Variants in CTNNA2 observed in about 807,000 individuals in gnomAD.
The protein encoded by CTNNA2 is catenin alpha 2, also known as catenin alpha-2.
CTNNA2 carries 42 observed loss-of-function variants against 101.0 expected under a neutral mutation model. The observed-to-expected ratio is 0.42, with a 90% CI of 0.32 to 0.54. The LOEUF is 0.54. CTNNA2 is among the 20% of genes least tolerant of loss of function. CTNNA2 has a pLI of 0.14. For missense variants in CTNNA2, 871 were observed against 1,223.1 expected, an observed-to-expected ratio of 0.71 and a Z score of 4.29; for synonymous variants, 450 against 456.4, an observed-to-expected ratio of 0.99 and a Z score of 0.18.
At chr2:80,569,316 C>T (rs143161430) in intron 12 of CTNNA2, among the ~76,000 whole-genome samples, 124 of 152,134 alleles carry the variant, frequency 8.2e-4, no homozygotes, top group Admixed American at 1.7e-3. Context: ...CTAGTGTGTG[C>T]GCTGCATACA....
At chr2:79,214,357 G>C (rs1009102916) in intron 2 of CTNNA2, among the ~76,000 whole-genome samples, 4 of 152,206 alleles carry the variant, frequency 2.6e-5, no homozygotes, top group African/African-American at 4.8e-5. Context: ...AATGGATTGT[G>C]GAGGGAGGTA....
intron 2 of CTNNA2, among the ~76,000 whole-genome samples, chr2:79,673,878 A>G (rs1208367064): frequency 6.6e-6 from 1 of 152,092 alleles, no homozygotes; most frequent in African/African-American, 2.4e-5. Flanking sequence ...CTTTGTGCTC[A>G]TGTTTTCTCC....
rs79132232 is a variant in CTNNA2, at chr2:79,366,949, G to C, written c.-317-6882G>C. Among the ~76,000 whole-genome samples the C allele has an allele frequency of 5.0e-3, 766 of 152,280 alleles. 7 individuals are homozygous for C. Among genetic ancestry groups the C allele is most frequent in the Non-Finnish European group, 8.4e-3 (571 of 68,018 alleles). ...TGAGACATTTAAACAGAAAGATCTTGTTATTGAACAAAAGGTTTCTGTCCT... is the reference window on the plus strand; with the variant it reads ...TGAGACATTTAAACAGAAAGATCTTCTTATTGAACAAAAGGTTTCTGTCCT... On this transcript the variant is annotated intron_variant, in intron 3 of 21. Coordinates refer to the CTNNA2 transcript ENST00000466387.
chr2:79,499,499 C>T (rs1671296752), intron 4 of CTNNA2, among the ~76,000 whole-genome samples: 1 of 152,194 alleles, frequency 6.6e-6, no homozygotes, highest in South Asian at 2.1e-4. Context: ...ACTCTACTGA[C>T]TTCTCATCGC....
chr2:79,649,332 C>A, intron 1 of CTNNA2: 1 of 154,764 alleles, frequency 6.5e-6, no homozygotes, highest in East Asian at 1.9e-4. Context: ...TATCATGTTA[C>A]AATGACCATG....
At chr2:80,073,771 C>CACACACTT (rs1553443664) in intron 7 of CTNNA2, among the ~76,000 whole-genome samples, 14,114 of 146,034 alleles carry the variant, frequency 0.097, 1,152 homozygotes, top group East Asian at 0.34. Flanking sequence ...CACACACACA[C>CACACACTT]TTATAGGATT....
chr2:79,364,178 A>G (rs924618350), intron 3 of CTNNA2, among the ~76,000 whole-genome samples: 4 of 152,196 alleles, frequency 2.6e-5, no homozygotes, highest in African/African-American at 4.8e-5. Context: ...AAAGGAGGAT[A>G]AATAGAATAC....
chr2:79,436,527 G>C (rs2104514616), intron 4 of CTNNA2, among the ~76,000 whole-genome samples: 1 of 152,280 alleles, frequency 6.6e-6, no homozygotes, highest in Non-Finnish European at 1.5e-5. Flanking sequence ...GATTTCATTG[G>C]TCTGGGGTCT....
At chr2:80,457,020 G>A (rs1016320695) in intron 9 of CTNNA2, among the ~76,000 whole-genome samples, 3 of 152,104 alleles carry the variant, frequency 2.0e-5, no homozygotes, top group Non-Finnish European at 4.4e-5. Flanking sequence ...AATGATAACT[G>A]TTTGAGGTGA....
intron 7 of CTNNA2, among the ~76,000 whole-genome samples, chr2:80,149,024 T>TA (rs201162987): frequency 0.098 from 7,423 of 75,564 alleles, 624 homozygotes; most frequent in African/African-American, 0.34. Flanking sequence ...TATTTTGTTA[T>TA]TTTTTTTTTT....
chr2:79,311,336 G>C (rs935356763), intron 2 of CTNNA2, among the ~76,000 whole-genome samples: 1 of 147,870 alleles, frequency 6.8e-6, no homozygotes, highest in East Asian at 2.0e-4. Context: ...GTGAACCCGG[G>C]AAGCGGAGCT....
chr2:79,296,471 C>T (rs1675981967), intron 2 of CTNNA2, among the ~76,000 whole-genome samples: 1 of 152,010 alleles, frequency 6.6e-6, no homozygotes, highest in Admixed American at 6.6e-5. Context: ...TAAAGCATAC[C>T]TACTTTTTTC....
Position 80,272,484 on chromosome 2 carries a change from T to C in CTNNA2, c.1057-120727T>C, listed in dbSNP as rs147327939. The stretch of plus-strand genomic sequence containing the variant: ...AGGACCATCAGTGGTGTTTGCACAT[T>C]TCACTTTTAGAACCATTGGCTCTAA... On this transcript the variant is annotated intron_variant, in intron 7 of 18. Transcript: ENST00000402739. 2.7e-4 allele frequency among the ~76,000 whole-genome samples: 41 copies of C among 152,342 alleles called. No homozygotes were observed. The East Asian group carries it at 7.1e-3, about 27-fold the overall frequency.
chr2:80,485,075 GT>G (rs1371015310), intron 9 of CTNNA2, among the ~76,000 whole-genome samples: 1 of 152,108 alleles, frequency 6.6e-6, no homozygotes, highest in Non-Finnish European at 1.5e-5. Flanking sequence ...TTACTCATTT[GT>G]TTTGCAGAAT....
At chr2:80,171,953 T>A (rs10198712) in intron 7 of CTNNA2, among the ~76,000 whole-genome samples, 87,597 of 152,088 alleles carry the variant, frequency 0.58, 25,545 homozygotes, top group Non-Finnish European at 0.63. Flanking sequence ...GCTTTGTGTA[T>A]TTTAATAGTT....
intron 7 of CTNNA2, among the ~76,000 whole-genome samples, chr2:79,916,877 C>A (rs1043970757): frequency 1.3e-5 from 2 of 152,014 alleles, no homozygotes; most frequent in African/African-American, 4.8e-5. Flanking sequence ...CCCAACTTGG[C>A]CTCTCAAAGT....
chr2:80,225,123 G>T (rs772339698), intron 7 of CTNNA2, among the ~76,000 whole-genome samples: 1 of 152,128 alleles, frequency 6.6e-6, no homozygotes, highest in Non-Finnish European at 1.5e-5. Flanking sequence ...GTGCCATGGA[G>T]GTCAGTGCTG....
chr2:80,437,559 G>A (rs2149436367), intron 9 of CTNNA2, among the ~76,000 whole-genome samples: 1 of 152,302 alleles, frequency 6.6e-6, no homozygotes, highest in South Asian at 2.1e-4. Context: ...AATTACTATT[G>A]AGTCAATGCT....
At chr2:80,179,789 A>G (rs936700689) in intron 7 of CTNNA2, among the ~76,000 whole-genome samples, 6 of 152,124 alleles carry the variant, frequency 3.9e-5, no homozygotes, top group African/African-American at 7.2e-5. Flanking sequence ...GGCAGCTCTA[A>G]TGGCTTCCAT....
Sources: allele counts gnomAD v4.1 joint callset (sites outside exome capture counted in the v4.1 genomes callset), GRCh38; gene constraint gnomAD v4.1.1; transcripts MANE v1.5; gene names NCBI Gene and HGNC (gene_info 2026-07-23, HGNC 2026-07-21).